The following COL4A6 variants were observed in gnomAD, a reference collection of about 807,000 sequenced individuals.
COL4A6 encodes collagen alpha-6(IV) chain.
In COL4A6, 59 loss-of-function variants were observed where a neutral mutation model predicts 126.7. That is an observed-to-expected ratio of 0.47 (90% CI 0.38 to 0.58). The LOEUF (loss-of-function observed/expected upper bound fraction) is 0.58, where lower values mean the gene tolerates loss of function less well. Ranked by LOEUF, COL4A6 falls within the 20% of genes least tolerant of loss-of-function variation. The pLI is 0.00. For synonymous variants in COL4A6, 547 were observed against 496.6 expected (o/e 1.10, Z -1.35); for missense variants, 1,285 against 1,337.3 (o/e 0.96, Z 0.61).
chrX:108,308,422 T>G (rs1463468945), intron 3 of COL4A6, among the ~76,000 whole-genome samples: 1 of 112,250 alleles, frequency 8.9e-6, no homozygotes, highest in Non-Finnish European at 1.9e-5. Flanking sequence ...CCTGCCACAA[T>G]CCATCAGGAA....
intron 2 of COL4A6, among the ~76,000 whole-genome samples, chrX:108,375,699 T>A (rs2040419478): frequency 9.3e-6 from 1 of 107,631 alleles, no homozygotes; most frequent in Non-Finnish European, 1.9e-5. Context: ...TTTTTTTCTA[T>A]GTGTCTCTTT....
intron 2 of COL4A6, among the ~76,000 whole-genome samples, chrX:108,378,797 C>T (rs1450196350): frequency 2.6e-5 from 3 of 113,265 alleles, no homozygotes; most frequent in African/African-American, 9.6e-5. Flanking sequence ...CTTGATGCTA[C>T]CTATTTTTGT....
chrX:108,323,456 T>G (rs1263766100), intron 2 of COL4A6, among the ~76,000 whole-genome samples: 1 of 111,839 alleles, frequency 8.9e-6, no homozygotes, highest in African/African-American at 3.3e-5. Context: ...CTGTCTTCAC[T>G]CAAAAGCCTT....
chrX:108,325,966 G>A (rs889607283), intron 2 of COL4A6, among the ~76,000 whole-genome samples: 2 of 111,841 alleles, frequency 1.8e-5, no homozygotes, highest in African/African-American at 3.2e-5. Flanking sequence ...AGATATCATC[G>A]TGTCTGTTGG....
chrX:108,400,614 C>T (rs906330950), intron 2 of COL4A6, among the ~76,000 whole-genome samples: 2 of 111,139 alleles, frequency 1.8e-5, no homozygotes, highest in African/African-American at 6.5e-5. Flanking sequence ...TTCCAGCTCC[C>T]ACTGTGAAAA....
chrX:108,365,414 C>T (rs2040177675), intron 2 of COL4A6, among the ~76,000 whole-genome samples: 1 of 111,375 alleles, frequency 9.0e-6, no homozygotes, highest in African/African-American at 3.3e-5. Context: ...ACCTTGAGTC[C>T]CTTTAGGGTA....
intron 3 of COL4A6, among the ~76,000 whole-genome samples, chrX:108,264,412 A>G (rs2037245200): frequency 9.0e-6 from 1 of 111,355 alleles, no homozygotes; most frequent in African/African-American, 3.3e-5. Context: ...ATCCCAATCT[A>G]TTTTCCATAA....
At chrX:108,205,627 G>A in intron 10 of COL4A6, 33 bp downstream of exon 10, 1 of 1,197,415 alleles carries the variant, frequency 8.4e-7, no homozygotes, top group Non-Finnish European at 1.1e-6. Flanking sequence ...TTAGGAGTAG[G>A]AAGCAAAATG....
chrX:108,229,879 T>C (rs1377053475), intron 3 of COL4A6, among the ~76,000 whole-genome samples: 2 of 111,829 alleles, frequency 1.8e-5, no homozygotes, highest in African/African-American at 6.5e-5. Context: ...AATGGTGACA[T>C]GGACTAGGTT....
In COL4A6 at chrX:108,180,971, G is replaced by C; in HGVS notation, c.1952-3C>G. The C allele has an allele frequency of 2.5e-6, 3 of 1,202,906 alleles. No individual in the cohort carries two copies. The highest frequency in any genetic ancestry group is 3.4e-6 in the Non-Finnish European group (3 of 887,963). ...AATAATACAGGGCAGGGTGATTCCT[G>C]TAAATGGTAACATGTGTGCATTCAG... On this transcript the variant is annotated splice_region_variant and splice_polypyrimidine_tract_variant and intron_variant, in intron 23 of 44. Coordinates refer to ENST00000334504, the MANE Select transcript of COL4A6 (RefSeq NM_033641.4).
chrX:108,175,020 A>C, intron 30 of COL4A6, 70 bp downstream of exon 30: 3 of 1,107,814 alleles, frequency 2.7e-6, no homozygotes, highest in Non-Finnish European at 3.6e-6. Flanking sequence ...GCCTTTGCTC[A>C]AGAAGGAAGC....
intron 13 of COL4A6, among the ~76,000 whole-genome samples, chrX:108,197,602 C>A (rs1240130537): frequency 3.6e-5 from 4 of 111,445 alleles, no homozygotes; most frequent in African/African-American, 1.3e-4. Flanking sequence ...CCCATTTGTA[C>A]CTTTTTCTTC....
At chrX:108,405,787 A>C (rs1274607991) in intron 2 of COL4A6, among the ~76,000 whole-genome samples, 1 of 111,115 alleles carries the variant, frequency 9.0e-6, no homozygotes, top group Non-Finnish European at 1.9e-5. Flanking sequence ...ACCAAGGGAG[A>C]GCAGGCTTCT....
At chrX:108,340,050 T>C (rs185861868) in intron 2 of COL4A6, among the ~76,000 whole-genome samples, 1 of 111,720 alleles carries the variant, frequency 9.0e-6, no homozygotes, top group African/African-American at 3.2e-5. Context: ...ACATTTACCA[T>C]ATATAGCTCT....
chrX:108,186,535 T>C (rs1274462315), intron 23 of COL4A6, among the ~76,000 whole-genome samples: 1 of 112,066 alleles, frequency 8.9e-6, no homozygotes, highest in Admixed American at 9.5e-5. Context: ...GCATAGCACC[T>C]TCATAAACTA....
chrX:108,331,177 G>A (rs972664669), intron 2 of COL4A6, among the ~76,000 whole-genome samples: 3 of 111,790 alleles, frequency 2.7e-5, no homozygotes, highest in Non-Finnish European at 5.6e-5. Context: ...CCAGAGCCTA[G>A]CACTGTGCCT....
rs747783785 is a variant in COL4A6 at position 108,423,480 on chromosome X, A to G, written c.63+14462T>C. ...TCACAAATGTAACAGTGGAACACAA[A>G]AAAGTTAAGATGACTTCCTCAAGTA... On this transcript the variant is annotated intron_variant, in intron 2 of 44. Coordinates refer to ENST00000334504, the MANE Select transcript of COL4A6 (RefSeq NM_033641.4). 1.2e-4 allele frequency among the ~76,000 whole-genome samples: 13 copies of G among 112,195 alleles called. No individual in the cohort carries two copies. In the East Asian group the frequency reaches 2.0e-3, roughly 17 times the overall value.
chrX:108,172,274 C>T (rs907895237), intron 32 of COL4A6, among the ~76,000 whole-genome samples, 195 bp downstream of exon 32: 2 of 101,688 alleles, frequency 2.0e-5, no homozygotes, highest in African/African-American at 3.6e-5. Context: ...CGCTTGAACC[C>T]GGGAGGCAGA....
At position 108,379,905 on chromosome X, in the gene COL4A6, C is replaced by T. The variant is rs1026336778; in HGVS notation, c.63+58037G>A. 1.8e-5 allele frequency among the ~76,000 whole-genome samples: 2 copies of T among 111,079 alleles called. 1 individual carries two copies. The highest frequency in any genetic ancestry group is 3.8e-5 in the Non-Finnish European group (2 of 53,030). ...CCCCAAGTCTTCTCTTTGCCCTGCC[C>T]CTGACCCTGTTTGTGTCTTCTCTCT... On this transcript the variant is annotated intron_variant, in intron 2 of 44. Transcript: ENST00000334504.
Sources: gnomAD v4.1 joint callset for allele counts (sites outside exome capture counted in the v4.1 genomes callset) on GRCh38, gnomAD v4.1.1 for gene constraint, MANE v1.5 for transcripts, NCBI Gene and HGNC (gene_info 2026-07-23, HGNC 2026-07-21) for gene names.